The following MAML2 variants were observed in gnomAD, a reference collection of about 807,000 sequenced individuals.
MAML2 encodes mastermind like transcriptional coactivator 2.
MAML2 carries 22 observed loss-of-function variants against 96.1 expected under a neutral mutation model. That is an observed-to-expected ratio of 0.23 (90% CI 0.16 to 0.33). The LOEUF is 0.33. Among genes scored for constraint, MAML2 ranks in the 10% least tolerant of loss-of-function variants. The pLI, the probability that MAML2 is intolerant of heterozygous loss-of-function variation, is 1.00. For missense variants in MAML2, 1,367 were observed against 1,392.4 expected, an observed-to-expected ratio of 0.98 and a Z score of 0.29; for synonymous variants, 561 against 521.3, an observed-to-expected ratio of 1.08 and a Z score of -1.04.
chr11:96,181,464 G>A (rs962785473), intron 1 of MAML2, among the ~76,000 whole-genome samples: 10 of 152,228 alleles, frequency 6.6e-5, no homozygotes, highest in Middle Eastern at 6.8e-3. Context: ...GCAAACATCA[G>A]CAGTATACTT....
intron 1 of MAML2, among the ~76,000 whole-genome samples, chr11:96,322,796 C>G (rs1476578113): frequency 6.6e-6 from 1 of 152,244 alleles, no homozygotes; most frequent in African/African-American, 2.4e-5. Flanking sequence ...CGTTTGCTTT[C>G]TCTTCAGATT....
intron 2 of MAML2, among the ~76,000 whole-genome samples, chr11:96,050,931 A>G (rs1235344980): frequency 2.0e-5 from 3 of 152,210 alleles, no homozygotes; most frequent in Non-Finnish European, 4.4e-5. Flanking sequence ...GGCAAGCTAT[A>G]GTTCTGATCC....
At chr11:96,190,114 T>G (rs1861632161) in intron 1 of MAML2, among the ~76,000 whole-genome samples, 1 of 152,210 alleles carries the variant, frequency 6.6e-6, no homozygotes, top group African/African-American at 2.4e-5. Flanking sequence ...ATTTTTAGTT[T>G]TAGTGATGAA....
At chr11:96,057,080 C>A (rs1456501131) in intron 2 of MAML2, among the ~76,000 whole-genome samples, 1 of 152,130 alleles carries the variant, frequency 6.6e-6, no homozygotes, top group Non-Finnish European at 1.5e-5. Context: ...GCCCCCAAAT[C>A]ACCCAGATCT....
chr11:96,087,791 T>A (rs1462155181), intron 2 of MAML2, among the ~76,000 whole-genome samples: 2 of 152,210 alleles, frequency 1.3e-5, no homozygotes, highest in African/African-American at 4.8e-5. Flanking sequence ...GGGTTACCCT[T>A]CAGGCAACCT....
intron 2 of MAML2, among the ~76,000 whole-genome samples, chr11:96,080,686 A>G (rs1186410090): frequency 1.3e-5 from 2 of 152,218 alleles, no homozygotes; most frequent in Non-Finnish European, 2.9e-5. Context: ...ACATATAGGC[A>G]ATGATTAAGT....
intron 1 of MAML2, among the ~76,000 whole-genome samples, chr11:96,119,685 A>C (rs1432735657): frequency 6.6e-6 from 1 of 152,184 alleles, no homozygotes; most frequent in Non-Finnish European, 1.5e-5. Context: ...GCCTGGCTCT[A>C]TTTACCACTT....
At chr11:95,990,679 A>T (rs1857895173) in intron 3 of MAML2, among the ~76,000 whole-genome samples, 2 of 152,184 alleles carry the variant, frequency 1.3e-5, no homozygotes. Flanking sequence ...CTGAATAATT[A>T]TAGCACTTGT....
rs138068577 is a variant in MAML2 at position 96,217,937 on chromosome 11, ATGACC to A, written c.513+123441_513+123445del. Among the ~76,000 whole-genome samples the A allele has an allele frequency of 4.2e-3, 636 of 152,352 alleles. 4 individuals are homozygous for A. The highest frequency in any genetic ancestry group is 0.015 in the African/African-American group (606 of 41,580). ...CAGATGCTGGTAATCTATGGGAATCATGACCTGAAAGGATTTATGTCTAAATGTGA... is the reference window on the plus strand; with the variant it reads ...CAGATGCTGGTAATCTATGGGAATCATGAAAGGATTTATGTCTAAATGTGA... On this transcript the variant is annotated intron_variant, in intron 1 of 4. Transcript: ENST00000524717.
At position 96,177,556 on chromosome 11, in the gene MAML2, G is replaced by A. The variant is rs138026984; in HGVS notation, c.514-84039C>T. 5.3e-5 allele frequency among the ~76,000 whole-genome samples: 8 copies of A among 152,290 alleles called. No homozygotes were observed. The East Asian group carries it at 1.5e-3, about 29-fold the overall frequency. ...AATACTAAAAATCTGACAATGTGGTGGGGGATGGGTTTTTATTTGGGGCTG... is the reference window on the plus strand; with the variant it reads ...AATACTAAAAATCTGACAATGTGGTAGGGGATGGGTTTTTATTTGGGGCTG... On this transcript the variant is annotated intron_variant, in intron 1 of 4. Coordinates refer to ENST00000524717, the MANE Select transcript of MAML2 (RefSeq NM_032427.4).
At chr11:95,999,100 C>A (rs1017284617) in intron 2 of MAML2, among the ~76,000 whole-genome samples, 2 of 152,190 alleles carry the variant, frequency 1.3e-5, no homozygotes, top group African/African-American at 2.4e-5. Context: ...TAAGAACAAA[C>A]CTCACTGTCC....
intron 1 of MAML2, among the ~76,000 whole-genome samples, chr11:96,327,438 TA>T (rs1395591946): frequency 1.3e-5 from 2 of 152,174 alleles, no homozygotes; most frequent in African/African-American, 4.8e-5. Flanking sequence ...TTTATTTATT[TA>T]TTTTTTGAGA....
At chr11:96,201,705 G>T (rs1219862469) in intron 1 of MAML2, among the ~76,000 whole-genome samples, 5 of 152,096 alleles carry the variant, frequency 3.3e-5, no homozygotes, top group Non-Finnish European at 7.4e-5. Flanking sequence ...GGATCACGAG[G>T]TCAGGAGATC....
At position 96,223,617 on chromosome 11, in the gene MAML2, T is replaced by C. The variant is rs78215524; in HGVS notation, c.513+117766A>G. On this transcript the variant is annotated intron_variant, in intron 1 of 4. Coordinates refer to ENST00000524717, the MANE Select transcript of MAML2 (RefSeq NM_032427.4). ...TAGGTTTTTGTGCAGGTTTGTATTA[T>C]ATATAAAGTGCATGTCACAGAGATT... is the stretch of plus-strand genomic sequence containing the variant. Among the ~76,000 whole-genome samples the C allele has an allele frequency of 6.1e-3, 928 of 152,256 alleles. 4 individuals are homozygous for C. The highest frequency in any genetic ancestry group is 0.01 in the Non-Finnish European group (688 of 68,018).
At chr11:96,267,555 G>A (rs566748417) in intron 1 of MAML2, among the ~76,000 whole-genome samples, 11 of 152,310 alleles carry the variant, frequency 7.2e-5, no homozygotes, top group Admixed American at 6.5e-5. Flanking sequence ...AATGCTTACC[G>A]CACATGGTGC....
chr11:96,267,248 T>C (rs984451308), intron 1 of MAML2, among the ~76,000 whole-genome samples: 1 of 152,136 alleles, frequency 6.6e-6, no homozygotes, highest in Non-Finnish European at 1.5e-5. Flanking sequence ...AAATAAGCCC[T>C]AAGACAATCA....
intron 1 of MAML2, among the ~76,000 whole-genome samples, chr11:96,169,432 G>A (rs1024404981): frequency 6.6e-6 from 1 of 152,194 alleles, no homozygotes; most frequent in African/African-American, 2.4e-5. Context: ...CCAGGCCCTG[G>A]GGATGGGCAA....
At chr11:96,076,234 G>A (rs539783931) in intron 2 of MAML2, among the ~76,000 whole-genome samples, 25 of 152,304 alleles carry the variant, frequency 1.6e-4, no homozygotes, top group African/African-American at 5.8e-4. Context: ...TGTGCATCAT[G>A]TATTGTATGC....
intron 1 of MAML2, among the ~76,000 whole-genome samples, chr11:96,197,372 T>A (rs1407138227): frequency 6.6e-6 from 1 of 152,202 alleles, no homozygotes; most frequent in African/African-American, 2.4e-5. Flanking sequence ...CTGACCTCCA[T>A]TAACATAGCT....
Sources: gnomAD v4.1 joint callset for allele counts (sites outside exome capture counted in the v4.1 genomes callset) on GRCh38, gnomAD v4.1.1 for gene constraint, MANE v1.5 for transcripts, NCBI Gene and HGNC (gene_info 2026-07-23, HGNC 2026-07-21) for gene names.